Variants in STIMATE observed in about 807,000 individuals in gnomAD.
STIMATE encodes STIM activating enhancer.
STIMATE carries 15 observed loss-of-function variants against 36.7 expected under a neutral mutation model. The ratio of observed to expected loss-of-function variants is 0.41; its 90% CI spans 0.27 to 0.63. STIMATE has a LOEUF of 0.63. Ranked by LOEUF, STIMATE falls within the 20% of genes least tolerant of loss-of-function variation. The pLI, the probability that STIMATE is intolerant of heterozygous loss-of-function variation, is 0.32. For missense variants in STIMATE, 305 were observed against 397.3 expected, an observed-to-expected ratio of 0.77 and a Z score of 1.98; for synonymous variants, 163 against 162.3, an observed-to-expected ratio of 1.00 and a Z score of -0.03.
intron 1 of STIMATE, among the ~76,000 whole-genome samples, chr3:52,882,321 T>C (rs916250482): frequency 6.6e-6 from 1 of 152,238 alleles, no homozygotes; most frequent in Non-Finnish European, 1.5e-5. Flanking sequence ...TCGGAAGCCA[T>C]GTGGCTTCAC....
At chr3:52,859,070 G>A (rs1701157311) in intron 1 of STIMATE, among the ~76,000 whole-genome samples, 1 of 151,722 alleles carries the variant, frequency 6.6e-6, no homozygotes, top group Non-Finnish European at 1.5e-5. Flanking sequence ...GCAGAGGCAG[G>A]AGAATCACTT....
rs1049773785 is a variant in STIMATE, at chr3:52,837,575, G to C, written c.*2919C>G. The C allele has an allele frequency of 1.3e-5, 2 of 152,356 alleles. No homozygotes were observed. Among genetic ancestry groups the C allele is most frequent in the African/African-American group, 4.8e-5 (2 of 41,440 alleles). 9.4% of individuals were successfully genotyped at this position (152,356 alleles called of 1,614,324 possible). The stretch of plus-strand genomic sequence containing the variant: ...GTCAACAACCCTCTGACAGCAAAAG[G>C]AAGTAACAGTACCAACCACCTCTTC... On this transcript the variant is annotated 3_prime_UTR_variant, in exon 8 of 8. Transcript: ENST00000355083.
At chr3:52,893,235 G>C (rs1701810431) in intron 1 of STIMATE, among the ~76,000 whole-genome samples, 1 of 152,146 alleles carries the variant, frequency 6.6e-6, no homozygotes, top group South Asian at 2.1e-4. Flanking sequence ...ATATCATGGA[G>C]TTATTATTAA....
At chr3:52,858,873 G>A (rs1701152662) in intron 1 of STIMATE, among the ~76,000 whole-genome samples, 1 of 152,082 alleles carries the variant, frequency 6.6e-6, no homozygotes, top group African/African-American at 2.4e-5. Flanking sequence ...AAAACGACAA[G>A]GTAGGCCAGG....
chr3:52,852,471 A>G, intron 3 of STIMATE, 132 bp downstream of exon 3: 1 of 1,083,446 alleles, frequency 9.2e-7, no homozygotes, highest in South Asian at 1.5e-5. Context: ...GGTCTCTCAG[A>G]GGAGCACAGA....
intron 1 of STIMATE, among the ~76,000 whole-genome samples, chr3:52,874,488 C>T (rs933191165): frequency 1.3e-5 from 2 of 152,176 alleles, no homozygotes; most frequent in African/African-American, 4.8e-5. Flanking sequence ...TTACAGTGAA[C>T]TGAACTTTCA....
intron 1 of STIMATE, among the ~76,000 whole-genome samples, chr3:52,888,505 G>T (rs1253713262): frequency 6.6e-6 from 1 of 152,242 alleles, no homozygotes; most frequent in African/African-American, 2.4e-5. Context: ...CTGGGTAAAA[G>T]GATGCGGCAT....
At chr3:52,843,114 TAGAA>T (rs1214094085) in intron 6 of STIMATE, 154 bp from the exon 7 acceptor site, 67 of 1,338,042 alleles carry the variant, frequency 5.0e-5, no homozygotes, top group Non-Finnish European at 6.6e-5. Flanking sequence ...TCCCAAAGCT[TAGAA>T]AGAGATTCCC....
chr3:52,859,531 A>AATATT (rs748928249), intron 1 of STIMATE, among the ~76,000 whole-genome samples: 2 of 18,810 alleles, frequency 1.1e-4, no homozygotes, highest in Non-Finnish European at 2.3e-4. Flanking sequence ...AAAAAAAAAA[A>AATATT]TTTTTTTTTT....
chr3:52,894,389 A>G (rs1045131885), intron 1 of STIMATE, among the ~76,000 whole-genome samples: 1 of 152,170 alleles, frequency 6.6e-6, no homozygotes, highest in African/African-American at 2.4e-5. Context: ...TGGCATATAC[A>G]TTCTCAACTG....
At chr3:52,850,733 GTT>G (rs11284369) in intron 3 of STIMATE, among the ~76,000 whole-genome samples, 15 of 151,916 alleles carry the variant, frequency 9.9e-5, no homozygotes, top group Non-Finnish European at 1.5e-4. Flanking sequence ...TTTTTACACT[GTT>G]TTTTTCTTTT....
intron 2 of STIMATE, among the ~76,000 whole-genome samples, chr3:52,853,459 C>T (rs1411693417): frequency 1.3e-5 from 2 of 152,250 alleles, no homozygotes; most frequent in African/African-American, 2.4e-5. Context: ...GGTAGCCATT[C>T]TCCTCTGTGG....
intron 1 of STIMATE, among the ~76,000 whole-genome samples, chr3:52,895,386 C>A (rs1701849177): frequency 6.6e-6 from 1 of 152,188 alleles, no homozygotes; most frequent in African/African-American, 2.4e-5. Context: ...TCAGGGCAGA[C>A]ATAGCTCTAG....
rs1190363533 is a variant in STIMATE, at chr3:52,873,455, G to A, written c.161-18011C>T. On this transcript the variant is annotated intron_variant, in intron 1 of 7. Transcript: ENST00000355083. ...ACTCTTAAAACACTGGTAGAAAAGC[G>A]AGTTGTACAACCACTTGGTAAGTGT... is the stretch of plus-strand genomic sequence containing the variant. 2.6e-5 allele frequency among the ~76,000 whole-genome samples: 4 copies of A among 152,204 alleles called. No individual in the cohort carries two copies. The East Asian group carries it at 7.7e-4, about 29-fold the overall frequency.
rs752196208 is a variant in STIMATE, at chr3:52,855,458, C to T, written c.161-14G>A. 2 of 1,614,016 alleles carry T rather than the reference C, an allele frequency of 1.2e-6. No individual in the cohort carries two copies. The highest frequency in any genetic ancestry group is 1.7e-6 in the Non-Finnish European group (2 of 1,179,976). On this transcript the variant is annotated splice_polypyrimidine_tract_variant and intron_variant, in intron 1 of 7. Coordinates refer to ENST00000355083, the MANE Select transcript of STIMATE (RefSeq NM_198563.5). ...TGAAGCGTTTGACTGAAAGAAAAGA[C>T]AGACATCAGTAGTTTTCCAAAGAAG... is the stretch of plus-strand genomic sequence containing the variant.
At chr3:52,879,589 C>T (rs945813136) in intron 1 of STIMATE, among the ~76,000 whole-genome samples, 20 of 152,264 alleles carry the variant, frequency 1.3e-4, no homozygotes, top group African/African-American at 4.6e-4. Context: ...CTGGGAACAC[C>T]GGCTGCGTGA....
In STIMATE at chr3:52,849,871, C is replaced by T. The variant is rs1476240697; in HGVS notation, c.348G>A (p.Leu116=). ...NFLLDATVGM[L]LIYVGVRAVS... ...CGGCGCGCACCCCCACGTAGATGAG[C>T]AGCATGCCCACAGTGGCGTCCAGGA... Residue 116 remains leucine (L), a synonymous_variant, in exon 4 of 8, where the codon CTG becomes CTA. Coordinates refer to ENST00000355083, the MANE Select transcript of STIMATE (RefSeq NM_198563.5). 6.2e-7 allele frequency: 1 copy of T among 1,613,918 alleles called. No homozygotes were observed.
In STIMATE at chr3:52,893,297, T is replaced by C. The variant is rs555930200; in HGVS notation, c.160+3994A>G. ...TGGTTATGTGGGAGATTGTCCTTAT[T>C]TTGGGGAGACTTAGCTGAAGTATTT... On this transcript the variant is annotated intron_variant, in intron 1 of 7. Coordinates refer to ENST00000355083, the MANE Select transcript of STIMATE (RefSeq NM_198563.5). 2.0e-5 allele frequency among the ~76,000 whole-genome samples: 3 copies of C among 152,102 alleles called. No individual in the cohort carries two copies. The East Asian group carries it at 5.8e-4, about 29-fold the overall frequency.
intron 7 of STIMATE, 56 bp from the exon 8 acceptor site, chr3:52,840,666 GC>G: frequency 6.6e-7 from 1 of 1,515,956 alleles, no homozygotes. Flanking sequence ...TTCTTCATTT[GC>G]CCTCCCTGGA....
Sources: gnomAD v4.1 joint callset for allele counts (sites outside exome capture counted in the v4.1 genomes callset) on GRCh38, gnomAD v4.1.1 for gene constraint, MANE v1.5 for transcripts, NCBI Gene and HGNC (gene_info 2026-07-23, HGNC 2026-07-21) for gene names.